Variants in MIX23 observed in about 807,000 individuals in gnomAD.
MIX23 encodes mitochondrial matrix import factor 23, also known as protein MIX23.
In MIX23, 13 loss-of-function variants were observed where a neutral mutation model predicts 21.6. The ratio of observed to expected loss-of-function variants is 0.60; its 90% CI spans 0.39 to 0.96. MIX23 has a LOEUF of 0.96. Among genes scored for constraint, MIX23 ranks in the 40% least tolerant of loss-of-function variants. The probability of loss-of-function intolerance (pLI) is 0.00; values close to 1 mark genes in which losing one functional copy is unlikely to be tolerated. For synonymous variants in MIX23, 59 were observed against 58.0 expected, an observed-to-expected ratio of 1.02 and a Z score of -0.08; for missense variants, 144 against 171.2, an observed-to-expected ratio of 0.84 and a Z score of 0.89.
In MIX23 at chr3:122,359,784, C is replaced by CTGTTGATA. The variant is rs2075343279; in HGVS notation, c.*77_*84dup. 6.9e-6 allele frequency: 9 copies of CTGTTGATA among 1,311,620 alleles called. No individual in the cohort carries two copies. The highest frequency in any genetic ancestry group is 6.4e-5 in the South Asian group (4 of 62,892). The allele number at this position is 1,311,620 out of a possible 1,614,324, so 81.2% of individuals were successfully genotyped here. ...CAGAAATCATCCTAGAAAGCCCGCC[C>CTGTTGATA]TGTTGATATCTGTCATGCTTAGCTC... On this transcript the variant is annotated 3_prime_UTR_variant, in exon 5 of 5. Transcript: ENST00000291458.
intron 3 of MIX23, 126 bp downstream of exon 3, chr3:122,368,050 A>C: frequency 1.3e-6 from 1 of 768,476 alleles, no homozygotes; most frequent in Non-Finnish European, 2.2e-6. Context: ...ATGAAGCACT[A>C]ATCTCTTGAT....
chr3:122,380,001 T>A (rs1042455366), intron 1 of MIX23, among the ~76,000 whole-genome samples: 4 of 152,334 alleles, frequency 2.6e-5, no homozygotes, highest in African/African-American at 9.6e-5. Context: ...AAGGAGTGCC[T>A]ATATTTAGTA....
intron 1 of MIX23, among the ~76,000 whole-genome samples, chr3:122,374,119 TAAAA>T (rs369902989): frequency 9.2e-4 from 126 of 136,676 alleles, no homozygotes; most frequent in African/African-American, 3.2e-3. Context: ...TTTTTTTTTT[TAAAA>T]AAAAAGCCTC....
In MIX23 at chr3:122,383,158, A is replaced by G; in HGVS notation, c.51+16T>C. Reference sequence around the variant, plus strand: ...AAAGGAGGCACATGCCTGCCACATGAGGAAAACCCCATCACCTGGAACTCG... The same window carrying G: ...AAAGGAGGCACATGCCTGCCACATGGGGAAAACCCCATCACCTGGAACTCG... On this transcript the variant is annotated intron_variant, in intron 1 of 4. Transcript: ENST00000291458. 5.6e-6 allele frequency: 9 copies of G among 1,613,998 alleles called. No homozygotes were observed. The highest frequency in any genetic ancestry group is 6.8e-6 in the Non-Finnish European group (8 of 1,179,992).
chr3:122,376,648 T>C (rs560858119), intron 1 of MIX23, among the ~76,000 whole-genome samples: 1 of 152,190 alleles, frequency 6.6e-6, no homozygotes, highest in Non-Finnish European at 1.5e-5. Context: ...AGAAAAATTA[T>C]GAAATCATGT....
At chr3:122,364,419 C>T (rs1015969703) in intron 3 of MIX23, among the ~76,000 whole-genome samples, 2 of 152,098 alleles carry the variant, frequency 1.3e-5, no homozygotes, top group East Asian at 3.8e-4. Context: ...GACTGACTGC[C>T]AAAGAAATAA....
rs72956512 is a variant in MIX23, at chr3:122,377,672, G to C, written c.51+5502C>G. Among the ~76,000 whole-genome samples, 559 of 152,152 alleles carry C rather than the reference G, an allele frequency of 3.7e-3. 3 individuals carry two copies. The highest frequency in any genetic ancestry group is 0.013 in the African/African-American group (530 of 41,500). On this transcript the variant is annotated intron_variant, in intron 1 of 4. Coordinates refer to ENST00000291458, the MANE Select transcript of MIX23 (RefSeq NM_001017928.4). The stretch of plus-strand genomic sequence containing the variant: ...AAGACCAGCCTGGGCAACACAGTAA[G>C]ACTCTGTCTCAACAAAAGTAAAAAA...
intron 3 of MIX23, among the ~76,000 whole-genome samples, chr3:122,363,836 G>C (rs2075377235): frequency 6.6e-6 from 1 of 152,062 alleles, no homozygotes; most frequent in Non-Finnish European, 1.5e-5. Context: ...GGCCCTGAGA[G>C]CAGGACTCAC....
At chr3:122,371,945 TAAGAA>T (rs2075444999) in intron 1 of MIX23, 145 bp from the exon 2 acceptor site, 2 of 648,734 alleles carry the variant, frequency 3.1e-6, no homozygotes, top group Non-Finnish European at 5.2e-6. Context: ...CATGCAACCA[TAAGAA>T]AATGTTCAAG....
intron 3 of MIX23, 41 bp downstream of exon 3, chr3:122,368,135 G>C (rs1351438595): frequency 1.9e-6 from 3 of 1,600,084 alleles, no homozygotes; most frequent in Non-Finnish European, 2.6e-6. Context: ...GCTACAATTG[G>C]AAAAACTTTG....
At chr3:122,364,977 C>T (rs2075386316) in intron 3 of MIX23, among the ~76,000 whole-genome samples, 1 of 152,176 alleles carries the variant, frequency 6.6e-6, no homozygotes, top group African/African-American at 2.4e-5. Context: ...TCAGAGCTGT[C>T]TGCCTTTGGA....
At chr3:122,360,106 C>A (rs2075347067) in intron 4 of MIX23, among the ~76,000 whole-genome samples, 187 bp from the exon 5 acceptor site, 1 of 152,052 alleles carries the variant, frequency 6.6e-6, no homozygotes. Flanking sequence ...CACAGAAGGC[C>A]TTGACATCCA....
Position 122,359,839 on chromosome 3 carries a change from A to T in MIX23, c.*30T>A, listed in dbSNP as rs1164082345. 1.7e-6 allele frequency: 1 copy of T among 595,968 alleles called. No individual in the cohort carries two copies. The highest frequency in any genetic ancestry group is 6.2e-5 in the Admixed American group (1 of 16,234). The allele number at this position is 595,968 out of a possible 1,614,324, so 36.9% of individuals were successfully genotyped here. ...GAGATGACCCAGTCCTTAAAAAAAA[A>T]AAAAAAAAAAAAAAAAAAAGAATCT... On this transcript the variant is annotated 3_prime_UTR_variant, in exon 5 of 5. Transcript: ENST00000291458.
chr3:122,367,018 T>C (rs1379760594), intron 3 of MIX23, among the ~76,000 whole-genome samples: 1 of 152,108 alleles, frequency 6.6e-6, no homozygotes, highest in African/African-American at 2.4e-5. Context: ...AAATAACTAA[T>C]GAGTTTAAGG....
intron 2 of MIX23, among the ~76,000 whole-genome samples, chr3:122,369,355 T>C (rs1576233777): frequency 6.6e-6 from 1 of 152,360 alleles, no homozygotes; most frequent in Non-Finnish European, 1.5e-5. Flanking sequence ...AGAAGCGTTA[T>C]TTGAAAAGGC....
chr3:122,376,033 G>T (rs11711570), intron 1 of MIX23, among the ~76,000 whole-genome samples: 1 of 151,210 alleles, frequency 6.6e-6, no homozygotes, highest in Non-Finnish European at 1.5e-5. Flanking sequence ...ATGGTGGCGC[G>T]CACCTGTAAT....
chr3:122,363,068 G>T, intron 3 of MIX23, 41 bp from the exon 4 acceptor site: 1 of 1,535,130 alleles, frequency 6.5e-7, no homozygotes, highest in Non-Finnish European at 8.9e-7. Context: ...AATTTAAAGA[G>T]CAAGAAAAAA....
In MIX23 at chr3:122,365,094, C is replaced by T. The variant is rs2107677209; in HGVS notation, c.325-2067G>A. On this transcript the variant is annotated intron_variant, in intron 3 of 4. Coordinates refer to ENST00000291458, the MANE Select transcript of MIX23 (RefSeq NM_001017928.4). ...ACCTTTGAGACAGTTGTCTTTGAGA[C>T]TGTAGGTCTTCAACAGGTAAACTTA... Among the ~76,000 whole-genome samples, 3 of 152,304 alleles carry T rather than the reference C, an allele frequency of 2.0e-5. No individual in the cohort carries two copies. The South Asian group carries it at 6.2e-4, about 32-fold the overall frequency.
chr3:122,362,119 C>A (rs1320400301), intron 4 of MIX23, among the ~76,000 whole-genome samples: 1 of 152,066 alleles, frequency 6.6e-6, no homozygotes. Context: ...GGATCTGGTC[C>A]CCTAATCTAG....
Sources: allele counts gnomAD v4.1 joint callset (sites outside exome capture counted in the v4.1 genomes callset), GRCh38; gene constraint gnomAD v4.1.1; transcripts MANE v1.5; gene names NCBI Gene and HGNC (gene_info 2026-07-23, HGNC 2026-07-21).